ASIC2: variants seen among roughly 807,000 people sequenced by gnomAD.
The protein encoded by ASIC2 is acid-sensing ion channel 2.
Under a neutral mutation model 57.3 loss-of-function variants are expected in ASIC2, and 25 were observed. The observed-to-expected ratio is 0.44, with a 90% CI of 0.32 to 0.61. The LOEUF is 0.61. Ranked by LOEUF, ASIC2 falls within the 20% of genes least tolerant of loss-of-function variation. The pLI, the probability that ASIC2 is intolerant of heterozygous loss-of-function variation, is 0.06. For missense variants in ASIC2, 641 were observed against 738.1 expected (o/e 0.87, Z 1.52); for synonymous variants, 319 against 307.5 (o/e 1.04, Z -0.39).
At chr17:33,993,889 G>A (rs1190238315) in intron 1 of ASIC2, among the ~76,000 whole-genome samples, 4 of 152,152 alleles carry the variant, frequency 2.6e-5, no homozygotes, top group Non-Finnish European at 5.9e-5. Flanking sequence ...TGAACTTACT[G>A]TCTCTGCCTC....
intron 1 of ASIC2, among the ~76,000 whole-genome samples, chr17:33,567,460 T>A (rs903924360): frequency 1.3e-5 from 2 of 151,942 alleles, no homozygotes; most frequent in Non-Finnish European, 2.9e-5. Context: ...CAGGGAAGGG[T>A]ATGAGAGGAG....
In ASIC2 at chr17:34,042,751, T is replaced by C. The variant is rs141303815; in HGVS notation, c.555+113227A>G. 5.8e-3 allele frequency among the ~76,000 whole-genome samples: 891 copies of C among 152,366 alleles called. 8 individuals carry two copies. Among genetic ancestry groups the C allele is most frequent in the African/African-American group, 0.02 (827 of 41,578 alleles). On this transcript the variant is annotated intron_variant, in intron 1 of 9. Coordinates refer to the ASIC2 transcript ENST00000359872. ...AGTTTTAGTACTTTTTATTGCTTTT[T>C]AGGAACTTATAATTTAGTTGAGATT...
At chr17:33,093,138 TA>T (rs1420511122) in intron 2 of ASIC2, among the ~76,000 whole-genome samples, 7 of 152,182 alleles carry the variant, frequency 4.6e-5, no homozygotes, top group Non-Finnish European at 7.3e-5. Flanking sequence ...GACCCCTTGT[TA>T]AAAAATGTTG....
At chr17:33,199,645 G>A (rs1374519968) in intron 1 of ASIC2, among the ~76,000 whole-genome samples, 1 of 152,136 alleles carries the variant, frequency 6.6e-6, no homozygotes, top group Non-Finnish European at 1.5e-5. Flanking sequence ...CTTGAACATG[G>A]CCCTGCTCTG....
chr17:33,464,563 T>TTTC (rs1199662205), intron 1 of ASIC2, among the ~76,000 whole-genome samples: 3 of 88,104 alleles, frequency 3.4e-5, no homozygotes, highest in African/African-American at 7.9e-5. Context: ...TCTTTCTTTC[T>TTTC]TTTCTCTCTT....
intron 1 of ASIC2, among the ~76,000 whole-genome samples, chr17:33,654,856 C>T (rs975371689): frequency 6.6e-6 from 1 of 152,152 alleles, no homozygotes; most frequent in African/African-American, 2.4e-5. Flanking sequence ...TTGGCTGGCA[C>T]CATGGCTCAT....
intron 1 of ASIC2, among the ~76,000 whole-genome samples, chr17:33,455,244 G>A (rs1269815465): frequency 6.6e-6 from 1 of 152,098 alleles, no homozygotes; most frequent in Non-Finnish European, 1.5e-5. Context: ...TTTCTTACCT[G>A]GTTATATTGC....
chr17:33,153,558 A>G (rs928199802), intron 1 of ASIC2, among the ~76,000 whole-genome samples: 8 of 152,202 alleles, frequency 5.3e-5, no homozygotes, highest in African/African-American at 1.9e-4. Context: ...TGGGTGCAGT[A>G]ATGGTGGGCT....
At chr17:33,213,169 C>T (rs970718346) in intron 1 of ASIC2, among the ~76,000 whole-genome samples, 2 of 152,170 alleles carry the variant, frequency 1.3e-5, no homozygotes, top group Admixed American at 6.5e-5. Flanking sequence ...GGCTGGATAA[C>T]AATCCCACAG....
At chr17:33,776,753 CTG>C (rs1911293040) in intron 1 of ASIC2, among the ~76,000 whole-genome samples, 1 of 152,196 alleles carries the variant, frequency 6.6e-6, no homozygotes, top group African/African-American at 2.4e-5. Flanking sequence ...CACCCTCGCT[CTG>C]TGACTTTAGG....
chr17:33,910,951 G>C (rs146220784), intron 1 of ASIC2, among the ~76,000 whole-genome samples: 3 of 152,292 alleles, frequency 2.0e-5, no homozygotes, highest in Admixed American at 6.5e-5. Flanking sequence ...AAAAGCCAAA[G>C]GGAGTTGAGA....
At chr17:34,104,098 T>C (rs1338980336) in intron 1 of ASIC2, among the ~76,000 whole-genome samples, 1 of 152,162 alleles carries the variant, frequency 6.6e-6, no homozygotes, top group East Asian at 1.9e-4. Flanking sequence ...ATAGTATATC[T>C]CTTCATTTAT....
chr17:33,678,831 G>A (rs781439419), intron 1 of ASIC2, among the ~76,000 whole-genome samples: 6 of 152,128 alleles, frequency 3.9e-5, no homozygotes, highest in Non-Finnish European at 8.8e-5. Context: ...GCTTCTCTTA[G>A]CTTCAGAAAC....
intron 1 of ASIC2, among the ~76,000 whole-genome samples, chr17:33,929,530 G>T (rs1302633746): frequency 1.3e-5 from 2 of 152,194 alleles, no homozygotes; most frequent in African/African-American, 4.8e-5. Context: ...CTTCCCTGCT[G>T]AGATCCCCAC....
chr17:34,114,456 C>T (rs1238091080), intron 1 of ASIC2, among the ~76,000 whole-genome samples: 1 of 152,132 alleles, frequency 6.6e-6, no homozygotes, highest in Non-Finnish European at 1.5e-5. Flanking sequence ...GTAGGAAGAA[C>T]ATGAGATTTG....
intron 7 of ASIC2, among the ~76,000 whole-genome samples, chr17:33,018,284 ACCCCTGCATCCAACT>A (rs67942029): frequency 0.29 from 44,091 of 151,900 alleles, 6,821 homozygotes; most frequent in Non-Finnish European, 0.35. Flanking sequence ...GTCTTCAGAT[ACCCCTGCATCCAACT>A]CTCCTGGAAG....
At chr17:33,761,951 CTGAG>C (rs1472910695) in intron 1 of ASIC2, among the ~76,000 whole-genome samples, 1 of 151,764 alleles carries the variant, frequency 6.6e-6, no homozygotes, top group African/African-American at 2.4e-5. Context: ...AGGGATGGAA[CTGAG>C]TGAGGACAGC....
chr17:33,849,375 G>A (rs1913702573), intron 1 of ASIC2, among the ~76,000 whole-genome samples: 1 of 152,198 alleles, frequency 6.6e-6, no homozygotes. Flanking sequence ...AAGAGGTACA[G>A]ATCATTATCA....
intron 1 of ASIC2, among the ~76,000 whole-genome samples, chr17:33,878,702 C>T (rs866283691): frequency 1.3e-5 from 2 of 152,174 alleles, no homozygotes; most frequent in African/African-American, 4.8e-5. Context: ...TATCCAGGAG[C>T]ACTTCCCCAA....
Sources: gnomAD v4.1 joint callset for allele counts (sites outside exome capture counted in the v4.1 genomes callset) on GRCh38, gnomAD v4.1.1 for gene constraint, MANE v1.5 for transcripts, NCBI Gene and HGNC (gene_info 2026-07-23, HGNC 2026-07-21) for gene names.